SRGAP2B: variants seen among roughly 807,000 people sequenced by gnomAD.
The protein encoded by SRGAP2B is SLIT-ROBO Rho GTPase-activating protein 2B.
SRGAP2B carries 9 observed loss-of-function variants against 22.2 expected under a neutral mutation model. The observed-to-expected ratio is 0.41, with a 90% confidence interval of 0.24 to 0.71. The LOEUF is 0.71. Among genes scored for constraint, SRGAP2B ranks in the 30% least tolerant of loss-of-function variants. The pLI, the probability that SRGAP2B is intolerant of heterozygous loss-of-function variation, is 0.35. For synonymous variants in SRGAP2B, 36 were observed against 87.4 expected (o/e 0.41, Z 3.28); for missense variants, 114 against 235.8 (o/e 0.48, Z 3.38).
Position 145,066,641 on chromosome 1 carries a change from C to A in SRGAP2B, c.67+26194G>T, listed in dbSNP as rs587678361. ...TCACCTCTCCACTATGTAAACGTAA[C>A]TTACTGTGAGCGCCCAGGCCGTCTG... On this transcript the variant is annotated intron_variant, in intron 2 of 9. Transcript: ENST00000612199. 3.1e-4 allele frequency among the ~76,000 whole-genome samples: 47 copies of A among 151,670 alleles called. No individual in the cohort carries two copies. In the South Asian group the frequency reaches 3.7e-3, roughly 12 times the overall value.
chr1:145,009,243 T>C (rs2102232559), intron 2 of SRGAP2B, among the ~76,000 whole-genome samples: 1 of 148,694 alleles, frequency 6.7e-6, no homozygotes, highest in Non-Finnish European at 1.5e-5. Context: ...TTATATCTGC[T>C]ATTGTTTCAA....
At position 145,088,889 on chromosome 1, in the gene SRGAP2B, A is replaced by G. The variant is rs1158709662; in HGVS notation, c.67+3946T>C. Among the ~76,000 whole-genome samples, 3 of 147,944 alleles carry G rather than the reference A, an allele frequency of 2.0e-5. No individual in the cohort carries two copies. The Middle Eastern group carries it at 0.01, about 517-fold the overall frequency. On this transcript the variant is annotated intron_variant, in intron 2 of 9. Coordinates refer to ENST00000612199, the Ensembl canonical transcript of SRGAP2B. ...TGCAGGTTCCATATCTGCAGATTCA[A>G]CCAAATGGGAATGGAAAATATTCAA...
At chr1:145,019,214 G>A (rs1553623655) in intron 2 of SRGAP2B, among the ~76,000 whole-genome samples, 1 of 145,058 alleles carries the variant, frequency 6.9e-6, no homozygotes, top group Non-Finnish European at 1.5e-5. Flanking sequence ...AGCCAGGTGT[G>A]GTGGTGCATG....
chr1:144,931,756 C>A (rs1665202953), intron 4 of SRGAP2B, among the ~76,000 whole-genome samples: 2 of 145,090 alleles, frequency 1.4e-5, no homozygotes, highest in South Asian at 4.4e-4. Flanking sequence ...CAAGGGGTTA[C>A]CCAGCTAGAA....
At chr1:145,090,079 C>T (rs587606151) in intron 2 of SRGAP2B, among the ~76,000 whole-genome samples, 1 of 146,600 alleles carries the variant, frequency 6.8e-6, no homozygotes, top group African/African-American at 2.7e-5. Flanking sequence ...GCTGTTACAG[C>T]AATTTTCTTT....
At chr1:144,941,052 A>C (rs1368414898) in intron 4 of SRGAP2B, among the ~76,000 whole-genome samples, 1 of 149,588 alleles carries the variant, frequency 6.7e-6, no homozygotes, top group Non-Finnish European at 1.5e-5. Flanking sequence ...TCAAAATGTT[A>C]ATCATGATTC....
At chr1:144,984,189 G>A (rs1251043234) in intron 3 of SRGAP2B, among the ~76,000 whole-genome samples, 4 of 150,162 alleles carry the variant, frequency 2.7e-5, no homozygotes, top group South Asian at 2.1e-4. Flanking sequence ...GCGTCGTGGC[G>A]CATGCCTGTA....
At chr1:144,909,172 G>A (rs1318479021) in intron 5 of SRGAP2B, among the ~76,000 whole-genome samples, 2 of 150,506 alleles carry the variant, frequency 1.3e-5, no homozygotes, top group African/African-American at 2.5e-5. Flanking sequence ...TCATCTACTT[G>A]AGTCCTAAAC....
At position 145,012,294 on chromosome 1, in the gene SRGAP2B, G is replaced by T. The variant is rs1672112193; in HGVS notation, c.68-17094C>A. Among the ~76,000 whole-genome samples the T allele has an allele frequency of 6.1e-5, 9 of 147,102 alleles. No homozygotes were observed. The South Asian group carries it at 1.9e-3, about 32-fold the overall frequency. Reference sequence around the variant, plus strand: ...AGCACTCAATAAAGGCACATTGAATGAATGAATCAAGAGCTGTTTTTTGGG... The same window carrying T: ...AGCACTCAATAAAGGCACATTGAATTAATGAATCAAGAGCTGTTTTTTGGG... On this transcript the variant is annotated intron_variant, in intron 2 of 9. Transcript: ENST00000612199.
At chr1:145,065,183 T>C (rs1651359279) in intron 2 of SRGAP2B, among the ~76,000 whole-genome samples, 2 of 152,056 alleles carry the variant, frequency 1.3e-5, no homozygotes, top group South Asian at 4.2e-4. Context: ...CGATCTGCTA[T>C]GAAAGTTTCA....
chr1:145,030,721 AATATATATATATAT>A (rs1161032950), intron 2 of SRGAP2B, among the ~76,000 whole-genome samples: 1 of 14,492 alleles, frequency 6.9e-5, no homozygotes, highest in Non-Finnish European at 1.1e-4. Context: ...AAAAAAAAAA[AATATATATATATAT>A]ATATATATAT....
intron 2 of SRGAP2B, among the ~76,000 whole-genome samples, chr1:145,076,047 T>C (rs1571147604): frequency 1.3e-5 from 2 of 150,572 alleles, no homozygotes; most frequent in East Asian, 3.9e-4. Context: ...AGAACATATA[T>C]TATGCCAGTT....
At chr1:144,985,387 G>A (rs1174749725) in intron 3 of SRGAP2B, among the ~76,000 whole-genome samples, 1 of 146,842 alleles carries the variant, frequency 6.8e-6, no homozygotes, top group Non-Finnish European at 1.5e-5. Flanking sequence ...AAATGTAGAA[G>A]TATTGCTCTA....
chr1:145,094,182 T>G (rs2102519139), intron 1 of SRGAP2B, among the ~76,000 whole-genome samples: 1 of 56,436 alleles, frequency 1.8e-5, no homozygotes, highest in African/African-American at 8.6e-5. Context: ...AGATCCCAGA[T>G]ATCCCACCCA....
At position 144,988,689 on chromosome 1, in the gene SRGAP2B, G is replaced by A. The variant is rs587688148; in HGVS notation, c.260+6319C>T. 2.7e-4 allele frequency among the ~76,000 whole-genome samples: 40 copies of A among 148,732 alleles called. No homozygotes were observed. In the South Asian group the frequency reaches 5.3e-3, roughly 20 times the overall value. On this transcript the variant is annotated intron_variant, in intron 3 of 9. Coordinates refer to ENST00000612199, the Ensembl canonical transcript of SRGAP2B. Reference sequence around the variant, plus strand: ...TCTCTCCCACAATCACTTTTACTCCGAAGATTCTGCTAGCTATCCCCAGTC... The same window carrying A: ...TCTCTCCCACAATCACTTTTACTCCAAAGATTCTGCTAGCTATCCCCAGTC...
intron 4 of SRGAP2B, among the ~76,000 whole-genome samples, chr1:144,929,582 G>A (rs1221666459): frequency 2.0e-5 from 3 of 150,636 alleles, no homozygotes; most frequent in Non-Finnish European, 2.9e-5. Context: ...GATCTCCTGT[G>A]GGTCTAGCTG....
intron 3 of SRGAP2B, among the ~76,000 whole-genome samples, chr1:144,964,826 G>T (rs1436898956): frequency 4.6e-5 from 7 of 150,610 alleles, no homozygotes; most frequent in Non-Finnish European, 1.0e-4. Context: ...AGCTGAGGTG[G>T]GAAGATCGCT....
intron 4 of SRGAP2B, among the ~76,000 whole-genome samples, chr1:144,915,915 G>A (rs1412302213): frequency 2.0e-5 from 3 of 148,778 alleles, no homozygotes; most frequent in East Asian, 2.0e-4. Context: ...CCAGAAATTC[G>A]GGTATCAAAA....
At chr1:144,996,251 T>C (rs1213939415) in intron 2 of SRGAP2B, among the ~76,000 whole-genome samples, 1 of 149,984 alleles carries the variant, frequency 6.7e-6, no homozygotes, top group African/African-American at 2.5e-5. Context: ...CTGCTGAAGT[T>C]ATGTCCCAAT....
Sources: allele counts gnomAD v4.1 joint callset (sites outside exome capture counted in the v4.1 genomes callset), GRCh38; gene constraint gnomAD v4.1.1; transcripts MANE v1.5; gene names NCBI Gene and HGNC (gene_info 2026-07-23, HGNC 2026-07-21).